The following KCTD3 variants were observed in gnomAD, a reference collection of about 807,000 sequenced individuals.
KCTD3 encodes potassium channel tetramerization domain containing 3.
KCTD3 carries 41 observed loss-of-function variants against 85.8 expected under a neutral mutation model. The ratio of observed to expected loss-of-function variants is 0.48; its 90% confidence interval spans 0.37 to 0.62. The LOEUF (loss-of-function observed/expected upper bound fraction) is 0.62. Among genes scored for constraint, KCTD3 ranks in the 20% least tolerant of loss-of-function variants. The pLI is 0.00. For missense variants in KCTD3, 724 were observed against 989.9 expected (o/e 0.73, Z 3.60); for synonymous variants, 338 against 345.4 (o/e 0.98, Z 0.24).
At chr1:215,571,464 TTAG>T (rs139538101) in intron 1 of KCTD3, among the ~76,000 whole-genome samples, 2,322 of 152,316 alleles carry the variant, frequency 0.015, 69 homozygotes, top group African/African-American at 0.053. Context: ...GTGAAATTAG[TTAG>T]TAGTCAACTT....
intron 15 of KCTD3, among the ~76,000 whole-genome samples, chr1:215,615,343 G>T (rs1379132948): frequency 2.6e-5 from 4 of 152,036 alleles, no homozygotes; most frequent in African/African-American, 9.7e-5. Context: ...TATCCCGGCC[G>T]GGCGTGGTGG....
At position 215,618,962 on chromosome 1, in the gene KCTD3, A is replaced by G; in HGVS notation, c.1639A>G (p.Met547Val). The G allele has an allele frequency of 6.2e-7, 1 of 1,613,902 alleles. No individual in the cohort carries two copies. Among genetic ancestry groups the G allele is most frequent in the Non-Finnish European group, 8.5e-7 (1 of 1,179,884 alleles). The change falls in exon 16 of 18, where the codon ATG becomes GTG. Residue 547 changes from methionine to valine, a missense_variant. Met to Val is a conservative substitution (Grantham distance 21). This residue lies in a region of KCTD3 where 136 missense variants were observed against 197.6 expected (regional missense o/e 0.69). Coordinates refer to ENST00000259154, the MANE Select transcript of KCTD3 (RefSeq NM_016121.5). ...TVRECEGSSRMGSRPRRYLFT... is the reference protein window; with the variant it reads ...TVRECEGSSRVGSRPRRYLFT... ...GAGGGAATGTGAGGGATCCAGTAGGATGGGCTCAAGACCAAGGCGCTACTT... is the reference window on the plus strand; with the variant it reads ...GAGGGAATGTGAGGGATCCAGTAGGGTGGGCTCAAGACCAAGGCGCTACTT...
intron 15 of KCTD3, among the ~76,000 whole-genome samples, chr1:215,616,983 G>A (rs1305659298): frequency 6.6e-6 from 1 of 152,242 alleles, no homozygotes; most frequent in Non-Finnish European, 1.5e-5. Flanking sequence ...GAGAAGGGGA[G>A]AGGAGCCGAA....
intron 4 of KCTD3, among the ~76,000 whole-genome samples, chr1:215,576,528 A>G (rs986039917): frequency 6.6e-6 from 1 of 152,018 alleles, no homozygotes; most frequent in African/African-American, 2.4e-5. Flanking sequence ...GTGAGTTATG[A>G]TCATGCCTCT....
intron 14 of KCTD3, among the ~76,000 whole-genome samples, chr1:215,609,950 GC>G (rs1291444181): frequency 5.3e-5 from 8 of 151,904 alleles, no homozygotes; most frequent in African/African-American, 1.9e-4. Flanking sequence ...GCACCTGAAA[GC>G]CCCAGGAGTA....
intron 12 of KCTD3, among the ~76,000 whole-genome samples, chr1:215,602,523 A>G (rs1411358129): frequency 3.9e-5 from 6 of 152,038 alleles, no homozygotes; most frequent in Admixed American, 2.6e-4. Flanking sequence ...AAAATAACTA[A>G]TTTTTCACTT....
At chr1:215,604,716 C>A (rs1324117347) in intron 13 of KCTD3, among the ~76,000 whole-genome samples, 2 of 149,168 alleles carry the variant, frequency 1.3e-5, no homozygotes, top group Non-Finnish European at 3.0e-5. Flanking sequence ...TATTATGACC[C>A]TGCTAAGAGG....
chr1:215,578,723 A>G (rs1352569363), intron 6 of KCTD3, among the ~76,000 whole-genome samples: 2 of 152,226 alleles, frequency 1.3e-5, no homozygotes, highest in Non-Finnish European at 2.9e-5. Flanking sequence ...GGCAGACTGA[A>G]TTAATTACCC....
chr1:215,589,389 C>T (rs1333063297), intron 9 of KCTD3, among the ~76,000 whole-genome samples: 3 of 152,170 alleles, frequency 2.0e-5, no homozygotes, highest in African/African-American at 7.2e-5. Context: ...GATCCTGCTA[C>T]CTTGGCTTTC....
chr1:215,599,868 CT>C (rs1654762665), intron 10 of KCTD3, among the ~76,000 whole-genome samples: 1 of 148,956 alleles, frequency 6.7e-6, no homozygotes, highest in Admixed American at 6.7e-5. Context: ...TTGGGAAGCG[CT>C]AGGCTCCTGC....
intron 12 of KCTD3, 96 bp from the exon 13 acceptor site, chr1:215,604,036 C>T: frequency 1.1e-6 from 1 of 904,840 alleles, no homozygotes; most frequent in Non-Finnish European, 1.7e-6. Context: ...ACAGTGAATC[C>T]AGCTCTGCCT....
Position 215,567,563 on chromosome 1 carries a change from C to T in KCTD3, c.-123C>T, listed in dbSNP as rs952928828. The T allele has an allele frequency of 3.3e-5, 14 of 424,464 alleles. No homozygotes were observed. Among genetic ancestry groups the T allele is most frequent in the African/African-American group, 2.7e-4 (13 of 47,922 alleles). The allele number at this position is 424,464 out of a possible 1,614,324, so 26.3% of individuals were successfully genotyped here. A position where few individuals can be genotyped will look rare whatever the true frequency, so the allele number is the denominator to read the frequency against. On this transcript the variant is annotated 5_prime_UTR_variant, in exon 1 of 18. Coordinates refer to ENST00000259154, the MANE Select transcript of KCTD3 (RefSeq NM_016121.5). ...GGTGGGGGAAGCCCCGTGCACCCCCCGCCCTCCGGCCGCCGCCGCCCCGCT... is the reference window on the plus strand; with the variant it reads ...GGTGGGGGAAGCCCCGTGCACCCCCTGCCCTCCGGCCGCCGCCGCCCCGCT...
chr1:215,580,771 A>G (rs1340707957), intron 8 of KCTD3, among the ~76,000 whole-genome samples: 2 of 152,192 alleles, frequency 1.3e-5, no homozygotes, highest in Non-Finnish European at 2.9e-5. Context: ...GTTAAGAAAA[A>G]TAGTCACAAT....
chr1:215,597,229 TAA>T (rs796145475), intron 10 of KCTD3, among the ~76,000 whole-genome samples: 18 of 133,602 alleles, frequency 1.3e-4, no homozygotes, highest in Admixed American at 1.5e-4. Context: ...GTAAGAAAAG[TAA>T]AAAAAAAAAA....
Position 215,614,995 on chromosome 1 carries a change from T to C in KCTD3, c.1562+3074T>C, listed in dbSNP as rs535884082. Among the ~76,000 whole-genome samples the C allele has an allele frequency of 3.9e-5, 6 of 152,320 alleles. No individual in the cohort carries two copies. In the South Asian group the frequency reaches 1.0e-3, roughly 26 times the overall value. ...CAATGTAGTATATCATATTTACTTA[T>C]TCAATTCTAATATCCCCTCTTCTGT... On this transcript the variant is annotated intron_variant, in intron 15 of 17. Transcript: ENST00000259154.
intron 9 of KCTD3, among the ~76,000 whole-genome samples, chr1:215,587,740 G>T (rs552137215): frequency 6.6e-6 from 1 of 152,260 alleles, no homozygotes; most frequent in East Asian, 1.9e-4. Context: ...TCAGAAAATT[G>T]TGCATAGTCT....
chr1:215,613,189 C>G (rs1309966607), intron 15 of KCTD3, among the ~76,000 whole-genome samples: 1 of 152,096 alleles, frequency 6.6e-6, no homozygotes, highest in Non-Finnish European at 1.5e-5. Flanking sequence ...AGTAACTTTC[C>G]TGTTAATAGT....
At chr1:215,612,176 T>G (rs1023281951) in intron 15 of KCTD3, among the ~76,000 whole-genome samples, 1 of 152,186 alleles carries the variant, frequency 6.6e-6, no homozygotes, top group African/African-American at 2.4e-5. Context: ...TGAACTTTTT[T>G]TCATGGCCAA....
chr1:215,575,761 A>G (rs1659549910), intron 3 of KCTD3, 140 bp from the exon 4 acceptor site: 1 of 551,642 alleles, frequency 1.8e-6, no homozygotes, highest in Non-Finnish European at 3.2e-6. Flanking sequence ...TTCCAATTTT[A>G]GAAACATTAA....
Sources: allele counts gnomAD v4.1 joint callset (sites outside exome capture counted in the v4.1 genomes callset), GRCh38; gene constraint gnomAD v4.1.1; regional missense constraint gnomAD v4.1.1; transcripts MANE v1.5; gene names NCBI Gene and HGNC (gene_info 2026-07-23, HGNC 2026-07-21).